The following SPDYE18 variants were observed in gnomAD, a reference collection of about 807,000 sequenced individuals.
The protein encoded by SPDYE18 is speedy protein E18.
Under a neutral mutation model 44.9 loss-of-function variants are expected in SPDYE18, and 6 were observed. The observed-to-expected ratio is 0.13, with a 90% CI of 0.07 to 0.26. The LOEUF (loss-of-function observed/expected upper bound fraction) is 0.26, where lower values mean the gene tolerates loss of function less well. Among genes scored for constraint, SPDYE18 ranks in the 10% least tolerant of loss-of-function variants. SPDYE18 has a pLI of 1.00. For synonymous variants in SPDYE18, 35 were observed against 177.1 expected (o/e 0.20, Z 6.37); for missense variants, 121 against 463.2 (o/e 0.26, Z 6.78).
At chr7:77,058,158 G>A (rs1187222137) in intron 3 of SPDYE18, among the ~76,000 whole-genome samples, 1 of 116,886 alleles carries the variant, frequency 8.6e-6, no homozygotes, top group African/African-American at 3.4e-5. Flanking sequence ...TTGAGAAACA[G>A]TCTTGCTTTG....
Position 77,051,434 on chromosome 7 carries a change from G to T in SPDYE18, c.*491C>A, listed in dbSNP as rs374610938. ...TTTCCAAACAAACCAATAAAATGCA[G>T]AGTGTGCATGAAGCTATCTGTTACA... On this transcript the variant is annotated 3_prime_UTR_variant, in exon 9 of 9. Coordinates refer to ENST00000510091, the MANE Select transcript of SPDYE18 (RefSeq NM_001394953.1). 1.3e-5 allele frequency among the ~76,000 whole-genome samples: 2 copies of T among 152,264 alleles called. No homozygotes were observed. The highest frequency in any genetic ancestry group is 2.9e-5 in the Non-Finnish European group (2 of 68,048).
Position 77,051,287 on chromosome 7 carries a change from A to G in SPDYE18, c.*638T>C, listed in dbSNP as rs1185900207. On this transcript the variant is annotated 3_prime_UTR_variant, in exon 9 of 9. Transcript: ENST00000510091. ...GTCTCTTAAAAATGAAAAGAAAATT[A>G]TCTTTATGTATATATAACAACTATA... Among the ~76,000 whole-genome samples the G allele has an allele frequency of 6.6e-6, 1 of 152,132 alleles. No individual in the cohort carries two copies. The highest frequency in any genetic ancestry group is 1.5e-5 in the Non-Finnish European group (1 of 68,046).
At chr7:77,060,279 G>C in intron 2 of SPDYE18, 74 bp downstream of exon 2, 2 of 1,529,318 alleles carry the variant, frequency 1.3e-6, no homozygotes, top group Non-Finnish European at 1.7e-6. Context: ...TTACAGGCGT[G>C]AGCCACCGCA....
intron 3 of SPDYE18, among the ~76,000 whole-genome samples, chr7:77,058,116 CTTT>C (rs375559743): frequency 7.7e-4 from 48 of 62,202 alleles, no homozygotes; most frequent in African/African-American, 3.4e-3. Context: ...CTCTGAGTCT[CTTT>C]TTTTTTTTTT....
At chr7:77,053,816 G>A (rs1478985182) in intron 6 of SPDYE18, among the ~76,000 whole-genome samples, 1 of 149,784 alleles carries the variant, frequency 6.7e-6, no homozygotes, top group African/African-American at 2.4e-5. Flanking sequence ...TCCAGCCTGA[G>A]AGGCAGAGCA....
Position 77,060,569 on chromosome 7 carries a change from T to C in SPDYE18, c.-57A>G. 6.5e-7 allele frequency: 1 copy of C among 1,534,564 alleles called. No individual in the cohort carries two copies. The highest frequency in any genetic ancestry group is 8.7e-7 in the Non-Finnish European group (1 of 1,146,552). Reference sequence around the variant, plus strand: ...AGAGTATGTTATCAATTCTCAAGCCTAGGAGAAGTCAGGAGTGGAGAACAG... The same window carrying C: ...AGAGTATGTTATCAATTCTCAAGCCCAGGAGAAGTCAGGAGTGGAGAACAG... On this transcript the variant is annotated 5_prime_UTR_variant, in exon 2 of 9. Coordinates refer to ENST00000510091, the MANE Select transcript of SPDYE18 (RefSeq NM_001394953.1).
rs1219498720 is a variant in SPDYE18, at chr7:77,050,673, A to G, written c.*1252T>C. 6.6e-6 allele frequency among the ~76,000 whole-genome samples: 1 copy of G among 152,288 alleles called. No individual in the cohort carries two copies. Among genetic ancestry groups the G allele is most frequent in the Admixed American group, 6.5e-5 (1 of 15,294 alleles). On this transcript the variant is annotated 3_prime_UTR_variant, in exon 9 of 9. Coordinates refer to ENST00000510091, the MANE Select transcript of SPDYE18 (RefSeq NM_001394953.1). Reference sequence around the variant, plus strand: ...TATATGTTAACTAAGTATCACAGATAAAAACCATGCTCCCTTCAGCAGCAC... The same window carrying G: ...TATATGTTAACTAAGTATCACAGATGAAAACCATGCTCCCTTCAGCAGCAC...
intron 2 of SPDYE18, among the ~76,000 whole-genome samples, chr7:77,059,612 G>A (rs1217031342): frequency 6.6e-6 from 1 of 151,332 alleles, no homozygotes; most frequent in Non-Finnish European, 1.5e-5. Context: ...ACTGCTTCAT[G>A]TCCTTCCCTG....
At chr7:77,060,329 C>T in intron 2 of SPDYE18, 24 bp downstream of exon 2, 1 of 1,535,132 alleles carries the variant, frequency 6.5e-7, no homozygotes, top group Non-Finnish European at 8.7e-7. Flanking sequence ...CCTATCCCAC[C>T]TCTTCTTCCA....
chr7:77,058,116 C>CTTTTTTTT (rs375559743), intron 3 of SPDYE18, among the ~76,000 whole-genome samples: 16 of 62,206 alleles, frequency 2.6e-4, no homozygotes, highest in Middle Eastern at 0.011. Flanking sequence ...CTCTGAGTCT[C>CTTTTTTTT]TTTTTTTTTT....
chr7:77,050,935 T>C lies in SPDYE18; in HGVS notation c.*990A>G, dbSNP rs1789777664. ...TATATTTAATAAATATTTCAATAAA[T>C]AAAATAATACTTAAATAATTCTATA... On this transcript the variant is annotated 3_prime_UTR_variant, in exon 9 of 9. Transcript: ENST00000510091. Among the ~76,000 whole-genome samples, 1 of 148,992 alleles carries C rather than the reference T, an allele frequency of 6.7e-6. No homozygotes were observed. The highest frequency in any genetic ancestry group is 2.4e-5 in the African/African-American group (1 of 41,150).
At position 77,051,069 on chromosome 7, in the gene SPDYE18, A is replaced by C. The variant is rs1156469671; in HGVS notation, c.*856T>G. ...ACAACTGAATTCTCACAATTCAGTC[A>C]CAAACCTAAACAGCAAATAAAAATT... On this transcript the variant is annotated 3_prime_UTR_variant, in exon 9 of 9. Transcript: ENST00000510091. 4.0e-5 allele frequency among the ~76,000 whole-genome samples: 6 copies of C among 151,854 alleles called. No individual in the cohort carries two copies. The highest frequency in any genetic ancestry group is 8.8e-5 in the Non-Finnish European group (6 of 67,848).
At chr7:77,053,613 G>T (rs1335518347) in intron 6 of SPDYE18, among the ~76,000 whole-genome samples, 1 of 152,274 alleles carries the variant, frequency 6.6e-6, no homozygotes, top group African/African-American at 2.4e-5. Context: ...GCTGAAGCAG[G>T]TGGATCGCTT....
At chr7:77,056,411 CAAA>C (rs373429726) in intron 5 of SPDYE18, 136 bp downstream of exon 5, 8,691 of 318,304 alleles carry the variant, frequency 0.027, 1 homozygote, top group East Asian at 0.029. Flanking sequence ...CTCTGTCTCA[CAAA>C]AAAAAAAAAA....
intron 6 of SPDYE18, among the ~76,000 whole-genome samples, chr7:77,054,490 G>T (rs534522791): frequency 6.7e-6 from 1 of 148,268 alleles, no homozygotes; most frequent in South Asian, 2.1e-4. Flanking sequence ...CTTGGGGAGA[G>T]ACTCCAGGAG....
intron 6 of SPDYE18, among the ~76,000 whole-genome samples, chr7:77,054,062 CAGGCATCT>C (rs1348235879): frequency 2.6e-5 from 4 of 152,142 alleles, no homozygotes; most frequent in African/African-American, 7.2e-5. Context: ...CTGCCTTCTA[CAGGCATCT>C]AGTCTAATGG....
chr7:77,058,837 G>A (rs905076062), intron 3 of SPDYE18, among the ~76,000 whole-genome samples: 2 of 151,936 alleles, frequency 1.3e-5, no homozygotes, highest in Non-Finnish European at 2.9e-5. Context: ...CTGTCACCCA[G>A]GCTGGAGTGC....
chr7:77,051,107 A>G lies in SPDYE18; in HGVS notation c.*818T>C, dbSNP rs924381501. Among the ~76,000 whole-genome samples the G allele has an allele frequency of 1.3e-5, 2 of 152,106 alleles. No homozygotes were observed. The highest frequency in any genetic ancestry group is 6.5e-5 in the Admixed American group (1 of 15,298). ...GCAAATAAAAATTTCTATCACCAGAATTATGTTTTTTTCTGGTGGGGAACT... is the reference window on the plus strand; with the variant it reads ...GCAAATAAAAATTTCTATCACCAGAGTTATGTTTTTTTCTGGTGGGGAACT... On this transcript the variant is annotated 3_prime_UTR_variant, in exon 9 of 9. Coordinates refer to ENST00000510091, the MANE Select transcript of SPDYE18 (RefSeq NM_001394953.1).
intron 6 of SPDYE18, among the ~76,000 whole-genome samples, 191 bp from the exon 7 acceptor site, chr7:77,053,394 C>T (rs1789850907): frequency 6.6e-6 from 1 of 152,234 alleles, no homozygotes; most frequent in Non-Finnish European, 1.5e-5. Flanking sequence ...CCCACTCCTT[C>T]AGGATGGAGA....
Sources: gnomAD v4.1 joint callset for allele counts (sites outside exome capture counted in the v4.1 genomes callset) on GRCh38, gnomAD v4.1.1 for gene constraint, MANE v1.5 for transcripts, NCBI Gene and HGNC (gene_info 2026-07-23, HGNC 2026-07-21) for gene names.